The following ASPA variants were observed in gnomAD, a reference collection of about 807,000 sequenced individuals.
ASPA encodes ACY-2.
A neutral mutation model predicts 29.6 loss-of-function variants in ASPA; 25 were observed. The ratio of observed to expected loss-of-function variants is 0.85; its 90% CI spans 0.62 to 1.18. The LOEUF (loss-of-function observed/expected upper bound fraction) is 1.18. ASPA is among the 50% of genes most tolerant of loss of function. The probability of loss-of-function intolerance (pLI) is 0.00; values close to 1 mark genes in which losing one functional copy is unlikely to be tolerated. For synonymous variants in ASPA, 131 were observed against 130.3 expected, an observed-to-expected ratio of 1.01 and a Z score of -0.04; for missense variants, 333 against 385.7, an observed-to-expected ratio of 0.86 and a Z score of 1.14.
chr17:3,499,362 C>G lies in ASPA; in HGVS notation c.*274C>G, dbSNP rs1007193943. On this transcript the variant is annotated 3_prime_UTR_variant, in exon 6 of 6. Transcript: ENST00000263080. ...TAGCTCAACATTCTTAATAAACAGC[C>G]TTTGTATTCAGAATATAAAATTGAA... 3.7e-6 allele frequency: 1 copy of G among 267,372 alleles called. No individual in the cohort carries two copies. The highest frequency in any genetic ancestry group is 2.2e-5 in the African/African-American group (1 of 45,138). 16.6% of individuals were successfully genotyped at this position (267,372 alleles called of 1,614,324 possible). A position where few individuals can be genotyped will look rare whatever the true frequency, so the allele number is the denominator to read the frequency against.
intron 1 of ASPA, among the ~76,000 whole-genome samples, chr17:3,477,918 C>T (rs1329382836): frequency 6.6e-6 from 1 of 152,036 alleles, no homozygotes; most frequent in African/African-American, 2.4e-5. Context: ...CACAGTGGCT[C>T]ACACCTGTAA....
intron 5 of ASPA, among the ~76,000 whole-genome samples, chr17:3,498,572 C>T (rs1432952464): frequency 6.6e-6 from 1 of 152,100 alleles, no homozygotes; most frequent in Non-Finnish European, 1.5e-5. Flanking sequence ...GTTTTGAACT[C>T]CTAGGCTCAA....
In ASPA at chr17:3,479,214, A is replaced by G. The variant is rs1398063870; in HGVS notation, c.237-2389A>G. On this transcript the variant is annotated intron_variant, in intron 1 of 5. Transcript: ENST00000263080. ...TTCTTCATCCCTTGGGACTCTTCCA[A>G]TGGGAGCTCAACTGCAGGCATGAGA... 3.3e-5 allele frequency among the ~76,000 whole-genome samples: 5 copies of G among 152,160 alleles called. No homozygotes were observed. In the East Asian group the frequency reaches 9.6e-4, roughly 29 times the overall value.
upstream of ASPA, among the ~76,000 whole-genome samples, chr17:3,474,678 CA>C (rs1243724535): frequency 2.0e-5 from 3 of 152,142 alleles, no homozygotes; most frequent in Admixed American, 2.0e-4. Flanking sequence ...AAAGGAAGAA[CA>C]TTCAGTGGGT....
intron 4 of ASPA, among the ~76,000 whole-genome samples, chr17:3,491,287 A>C (rs1053525734): frequency 6.6e-6 from 1 of 152,248 alleles, no homozygotes; most frequent in African/African-American, 2.4e-5. Flanking sequence ...ATGTTTAAAA[A>C]AAATCCCAGA....
At chr17:3,491,240 TA>T (rs1260264950) in intron 4 of ASPA, among the ~76,000 whole-genome samples, 1 of 152,160 alleles carries the variant, frequency 6.6e-6, no homozygotes, top group Non-Finnish European at 1.5e-5. Context: ...ACCAAATGTT[TA>T]AGGTTAACAA....
At chr17:3,493,491 G>A (rs1296074946) in intron 4 of ASPA, among the ~76,000 whole-genome samples, 8 of 148,812 alleles carry the variant, frequency 5.4e-5, no homozygotes, top group African/African-American at 2.0e-4. Flanking sequence ...AACCCGGGAG[G>A]TGGAGGTTGC....
In ASPA at chr17:3,499,232, C is replaced by T; in HGVS notation, c.*144C>T. 1.5e-6 allele frequency: 1 copy of T among 660,572 alleles called. No individual in the cohort carries two copies. Among genetic ancestry groups the T allele is most frequent in the East Asian group, 2.8e-5 (1 of 35,268 alleles). The allele number at this position is 660,572 out of a possible 1,614,324, so 40.9% of individuals were successfully genotyped here. A position where few individuals can be genotyped will look rare whatever the true frequency, so the allele number is the denominator to read the frequency against. ...ATTCGGTAGGCATCTAAGCACATTT[C>T]TTAAATTAATTAATATATCTTTAAA... On this transcript the variant is annotated 3_prime_UTR_variant, in exon 6 of 6. Transcript: ENST00000263080.
intron 1 of ASPA, among the ~76,000 whole-genome samples, chr17:3,476,598 A>G (rs957111277): frequency 2.6e-5 from 4 of 152,212 alleles, no homozygotes; most frequent in Non-Finnish European, 5.9e-5. Flanking sequence ...ATGCTCTTTT[A>G]TAAACCTTCT....
At chr17:3,486,910 T>C (rs1197970263) in intron 3 of ASPA, among the ~76,000 whole-genome samples, 2 of 152,200 alleles carry the variant, frequency 1.3e-5, no homozygotes, top group Non-Finnish European at 2.9e-5. Context: ...TTGTAGGACA[T>C]GGCTATGGCA....
rs2073979718 is a variant in ASPA, at chr17:3,500,723, C to G, written c.*1635C>G. Reference sequence around the variant, plus strand: ...GTTTCACTCTGCTAGCCAGGATGGTCTCGATCTCCTGACCTCATGATCCGC... The same window carrying G: ...GTTTCACTCTGCTAGCCAGGATGGTGTCGATCTCCTGACCTCATGATCCGC... On this transcript the variant is annotated 3_prime_UTR_variant, in exon 6 of 6. Coordinates refer to ENST00000263080, the MANE Select transcript of ASPA (RefSeq NM_000049.4). 1 of 151,912 alleles carries G rather than the reference C, an allele frequency of 6.6e-6. No homozygotes were observed. Among genetic ancestry groups the G allele is most frequent in the South Asian group, 2.1e-4 (1 of 4,816 alleles). The allele number at this position is 151,912 out of a possible 1,614,324, so 9.4% of individuals were successfully genotyped here. A position where few individuals can be genotyped will look rare whatever the true frequency, so the allele number is the denominator to read the frequency against.
rs2074006069 is a variant in ASPA at position 3,502,741 on chromosome 17, CCT to C, written c.*3654_*3655del. The C allele has an allele frequency of 6.6e-6, 1 of 152,278 alleles. No homozygotes were observed. The highest frequency in any genetic ancestry group is 1.5e-5 in the Non-Finnish European group (1 of 68,082). 9.4% of individuals were successfully genotyped at this position (152,278 alleles called of 1,614,324 possible). A position where few individuals can be genotyped will look rare whatever the true frequency, so the allele number is the denominator to read the frequency against. On this transcript the variant is annotated 3_prime_UTR_variant, in exon 6 of 6. Transcript: ENST00000263080. ...CCTCCTTCAGACACCTCACGCACCC[CCT>C]GAGGAGCTAATGTTTCTTCCCAACA...
Position 3,487,870 on chromosome 17 carries a change from T to C in ASPA, c.527-1365T>C, listed in dbSNP as rs139536899. Among the ~76,000 whole-genome samples, 552 of 152,312 alleles carry C rather than the reference T, an allele frequency of 3.6e-3. 5 individuals carry two copies. The highest frequency in any genetic ancestry group is 0.012 in the African/African-American group (504 of 41,566). On this transcript the variant is annotated intron_variant, in intron 3 of 5. Transcript: ENST00000263080. Reference sequence around the variant, plus strand: ...GGTAGGCAAACGACAATGTATTCTATAGTATTCCTACAGACATATCTACAA... The same window carrying C: ...GGTAGGCAAACGACAATGTATTCTACAGTATTCCTACAGACATATCTACAA...
At chr17:3,498,838 T>G in intron 5 of ASPA, 53 bp from the exon 6 acceptor site, 1 of 1,411,814 alleles carries the variant, frequency 7.1e-7, no homozygotes, top group Non-Finnish European at 9.3e-7. Flanking sequence ...GACATAAATT[T>G]TTAGAGGAGA....
At chr17:3,482,294 C>G (rs2150747361) in intron 2 of ASPA, among the ~76,000 whole-genome samples, 2 of 152,258 alleles carry the variant, frequency 1.3e-5, no homozygotes, top group African/African-American at 2.4e-5. Flanking sequence ...TCCCTTTAGT[C>G]CTGCCCTCGT....
chr17:3,475,834 A>G (rs1447025000), upstream of ASPA, among the ~76,000 whole-genome samples: 1 of 152,248 alleles, frequency 6.6e-6, no homozygotes, highest in African/African-American at 2.4e-5. Flanking sequence ...GAATTTTTGT[A>G]TTAGTATGAA....
intron 4 of ASPA, among the ~76,000 whole-genome samples, chr17:3,493,335 G>C: frequency 6.6e-6 from 1 of 152,082 alleles, no homozygotes; most frequent in Non-Finnish European, 1.5e-5. Context: ...GGCTGAGGCG[G>C]GCGGATCACA....
intron 3 of ASPA, among the ~76,000 whole-genome samples, chr17:3,487,630 T>C (rs750195112): frequency 2.0e-5 from 3 of 152,232 alleles, no homozygotes; most frequent in Admixed American, 6.5e-5. Flanking sequence ...TTTGGATATT[T>C]AGCTTACTCT....
chr17:3,490,819 T>C lies in ASPA; in HGVS notation c.634+1477T>C, dbSNP rs1597440973. Among the ~76,000 whole-genome samples the C allele has an allele frequency of 6.6e-6, 1 of 152,186 alleles. No individual in the cohort carries two copies. The highest frequency in any genetic ancestry group is 6.5e-5 in the Admixed American group (1 of 15,276). Reference sequence around the variant, plus strand: ...TTTCAGATCATAGTCCATAGAATCCTATCACAACGGTGGAGAAAAGCAGTT... The same window carrying C: ...TTTCAGATCATAGTCCATAGAATCCCATCACAACGGTGGAGAAAAGCAGTT... On this transcript the variant is annotated intron_variant, in intron 4 of 5. Coordinates refer to ENST00000263080, the MANE Select transcript of ASPA (RefSeq NM_000049.4). The surrounding 1 kb of genome is among the most constrained non-coding windows in gnomAD (Gnocchi z 4.6).
Sources: allele counts gnomAD v4.1 joint callset (sites outside exome capture counted in the v4.1 genomes callset), GRCh38; gene constraint gnomAD v4.1.1; non-coding constraint Gnocchi (gnomAD v3.1); transcripts MANE v1.5; gene names NCBI Gene and HGNC (gene_info 2026-07-23, HGNC 2026-07-21).